Variants in SLC35F4 observed in about 807,000 individuals in gnomAD.
The protein encoded by SLC35F4 is chromosome 14 open reading frame 36.
Under a neutral mutation model 44.2 loss-of-function variants are expected in SLC35F4, and 24 were observed. The observed-to-expected ratio is 0.54, with a 90% confidence interval of 0.39 to 0.76. The LOEUF is 0.76. SLC35F4 is among the 30% of genes least tolerant of loss of function. SLC35F4 has a pLI of 0.00. For synonymous variants in SLC35F4, 238 were observed against 223.6 expected, an observed-to-expected ratio of 1.06 and a Z score of -0.57; for missense variants, 562 against 586.1, an observed-to-expected ratio of 0.96 and a Z score of 0.42.
At chr14:57,875,277 T>C (rs1298096624) in intron 1 of SLC35F4, among the ~76,000 whole-genome samples, 3 of 152,198 alleles carry the variant, frequency 2.0e-5, no homozygotes, top group Non-Finnish European at 4.4e-5. Flanking sequence ...GCTATCTTCT[T>C]TCTTTTTCTC....
chr14:57,665,055 G>A (rs1047148984), intron 1 of SLC35F4, among the ~76,000 whole-genome samples: 11 of 151,984 alleles, frequency 7.2e-5, no homozygotes, highest in African/African-American at 2.7e-4. Flanking sequence ...ACCATTCTAG[G>A]GACCCTCTTC....
intron 1 of SLC35F4, among the ~76,000 whole-genome samples, chr14:57,801,624 A>G (rs1052644712): frequency 2.6e-5 from 4 of 152,222 alleles, no homozygotes; most frequent in African/African-American, 9.6e-5. Flanking sequence ...CTCAAAATAA[A>G]GAGATGGAGG....
At position 57,706,879 on chromosome 14, in the gene SLC35F4, G is replaced by A. The variant is rs80323937; in HGVS notation, c.104-112755C>T. On this transcript the variant is annotated intron_variant, in intron 1 of 7. Transcript: ENST00000556826. ...AATTTTCTCTTAAGGCCAATAGGAA[G>A]CTATTGAAGGGCTTTGAGAAGGAGA... Among the ~76,000 whole-genome samples the A allele has an allele frequency of 2.1e-3, 322 of 152,322 alleles. 1 individual carries two copies. The highest frequency in any genetic ancestry group is 7.4e-3 in the African/African-American group (306 of 41,568).
chr14:57,586,703 G>A (rs2069749232), intron 3 of SLC35F4, among the ~76,000 whole-genome samples: 1 of 97,818 alleles, frequency 1.0e-5, no homozygotes, highest in African/African-American at 4.0e-5. Context: ...GGGTGACAGA[G>A]CGAGACTCTG....
intron 1 of SLC35F4, among the ~76,000 whole-genome samples, chr14:57,864,612 C>T (rs1887965480): frequency 6.6e-6 from 1 of 152,146 alleles, no homozygotes; most frequent in African/African-American, 2.4e-5. Flanking sequence ...TTTTGTGGGT[C>T]CCACGCATCA....
intron 1 of SLC35F4, among the ~76,000 whole-genome samples, chr14:57,878,758 T>C (rs927786843): frequency 3.3e-5 from 5 of 152,132 alleles, no homozygotes; most frequent in African/African-American, 1.2e-4. Context: ...CACTATTGTA[T>C]TCCCAACATC....
chr14:57,665,306 A>G (rs1180595804), intron 1 of SLC35F4, among the ~76,000 whole-genome samples: 1 of 152,010 alleles, frequency 6.6e-6, no homozygotes, highest in Admixed American at 6.6e-5. Flanking sequence ...CACAACCCCA[A>G]ATTTTAAATA....
At chr14:57,784,374 G>A (rs1216384786) in intron 1 of SLC35F4, among the ~76,000 whole-genome samples, 2 of 152,302 alleles carry the variant, frequency 1.3e-5, no homozygotes, top group East Asian at 3.9e-4. Flanking sequence ...GTAGAAGAAG[G>A]ATTAGTACCA....
chr14:57,654,279 T>C (rs562844426), intron 1 of SLC35F4, among the ~76,000 whole-genome samples: 29 of 152,204 alleles, frequency 1.9e-4, no homozygotes, highest in Non-Finnish European at 3.7e-4. Flanking sequence ...TAATCCATTG[T>C]ATCATTCTTA....
intron 1 of SLC35F4, among the ~76,000 whole-genome samples, chr14:57,641,519 G>C (rs1410707863): frequency 2.0e-5 from 3 of 151,892 alleles, no homozygotes; most frequent in Non-Finnish European, 4.4e-5. Flanking sequence ...TTTGAAATTA[G>C]CCTGCTAAAG....
At chr14:57,916,378 GTTC>G (rs1201557093) in intron 1 of SLC35F4, among the ~76,000 whole-genome samples, 1 of 152,166 alleles carries the variant, frequency 6.6e-6, no homozygotes, top group African/African-American at 2.4e-5. Context: ...AACTATAGCA[GTTC>G]TTCTCCTCTG....
chr14:57,668,938 A>T (rs919517514), intron 1 of SLC35F4, among the ~76,000 whole-genome samples: 32 of 152,066 alleles, frequency 2.1e-4, no homozygotes, highest in East Asian at 1.9e-4. Flanking sequence ...CCATTTTCAC[A>T]ATATTGATTC....
At chr14:57,893,868 T>C (rs764838574) in intron 1 of SLC35F4, among the ~76,000 whole-genome samples, 17 of 151,366 alleles carry the variant, frequency 1.1e-4, no homozygotes, top group Non-Finnish European at 1.9e-4. Flanking sequence ...TCAGTTTAAG[T>C]ATATCACAAT....
intron 1 of SLC35F4, among the ~76,000 whole-genome samples, chr14:57,756,202 T>C (rs184794452): frequency 6.6e-6 from 1 of 152,384 alleles, no homozygotes; most frequent in Non-Finnish European, 1.5e-5. Flanking sequence ...TATAAGCCTT[T>C]AATGCCACAC....
At chr14:57,862,655 C>T in intron 1 of SLC35F4, among the ~76,000 whole-genome samples, 1 of 152,212 alleles carries the variant, frequency 6.6e-6, no homozygotes, top group Non-Finnish European at 1.5e-5. Flanking sequence ...TTCTGGATGT[C>T]CATATGGCTA....
chr14:57,686,606 G>T (rs1473762056), intron 1 of SLC35F4, among the ~76,000 whole-genome samples: 1 of 152,054 alleles, frequency 6.6e-6, no homozygotes, highest in East Asian at 1.9e-4. Context: ...TTAGAAGATT[G>T]TCCAAAATCA....
intron 1 of SLC35F4, among the ~76,000 whole-genome samples, chr14:57,608,187 T>C (rs2071277498): frequency 6.6e-6 from 1 of 152,146 alleles, no homozygotes; most frequent in Non-Finnish European, 1.5e-5. Context: ...GGAGGGGTTA[T>C]ATGTTGAATT....
At chr14:57,649,698 G>A (rs752045303) in intron 1 of SLC35F4, among the ~76,000 whole-genome samples, 6 of 152,098 alleles carry the variant, frequency 3.9e-5, no homozygotes, top group Non-Finnish European at 5.9e-5. Flanking sequence ...TTTCTCCACT[G>A]TATTTCTAGT....
At chr14:57,758,583 T>C (rs1260037540) in intron 1 of SLC35F4, among the ~76,000 whole-genome samples, 1 of 152,142 alleles carries the variant, frequency 6.6e-6, no homozygotes, top group African/African-American at 2.4e-5. Context: ...ATATGGAATA[T>C]AGTTATAATA....
Sources: gnomAD v4.1 joint callset for allele counts (sites outside exome capture counted in the v4.1 genomes callset) on GRCh38, gnomAD v4.1.1 for gene constraint, MANE v1.5 for transcripts, NCBI Gene and HGNC (gene_info 2026-07-23, HGNC 2026-07-21) for gene names.